The following MAPKAP1 variants were observed in gnomAD, a reference collection of about 807,000 sequenced individuals.
The protein encoded by MAPKAP1 is MAPK associated protein 1.
MAPKAP1 carries 20 observed loss-of-function variants against 65.7 expected under a neutral mutation model. That is an observed-to-expected ratio of 0.30 (90% CI 0.21 to 0.44). MAPKAP1 has a LOEUF of 0.44. Ranked by LOEUF, MAPKAP1 falls within the 20% of genes least tolerant of loss-of-function variation. MAPKAP1 has a pLI of 1.00. For missense variants in MAPKAP1, 423 were observed against 648.0 expected, an observed-to-expected ratio of 0.65 and a Z score of 3.77; for synonymous variants, 222 against 244.3, an observed-to-expected ratio of 0.91 and a Z score of 0.85.
chr9:125,519,652 T>TTTTATATATATATATATA (rs1554815771), intron 7 of MAPKAP1, among the ~76,000 whole-genome samples: 2 of 141,716 alleles, frequency 1.4e-5, no homozygotes, highest in Non-Finnish European at 1.5e-5. Context: ...TATATGTCTT[T>TTTTATATATATATATATA]TATATATATA....
intron 3 of MAPKAP1, among the ~76,000 whole-genome samples, chr9:125,663,749 T>C (rs964052466): frequency 6.6e-6 from 1 of 152,106 alleles, no homozygotes; most frequent in Non-Finnish European, 1.5e-5. Context: ...GGGGAAGTCA[T>C]GAGAGCCCTT....
intron 8 of MAPKAP1, among the ~76,000 whole-genome samples, chr9:125,500,779 C>G (rs1828953383): frequency 6.6e-6 from 1 of 152,100 alleles, no homozygotes; most frequent in African/African-American, 2.4e-5. Flanking sequence ...TACCAAGATT[C>G]TAATAAACAC....
chr9:125,572,644 G>C (rs1484773487), intron 5 of MAPKAP1, among the ~76,000 whole-genome samples: 2 of 152,198 alleles, frequency 1.3e-5, no homozygotes, highest in Non-Finnish European at 1.5e-5. Flanking sequence ...AGAAACAAGA[G>C]GGATGAGTAA....
intron 11 of MAPKAP1, 74 bp downstream of exon 11, chr9:125,444,427 C>A: frequency 8.5e-7 from 1 of 1,174,748 alleles, no homozygotes; most frequent in Non-Finnish European, 1.2e-6. Flanking sequence ...GGTGGGGCTG[C>A]GGCCATGCCG....
intron 3 of MAPKAP1, among the ~76,000 whole-genome samples, chr9:125,658,331 T>A (rs1337471898): frequency 1.3e-5 from 2 of 152,230 alleles, no homozygotes; most frequent in African/African-American, 2.4e-5. Context: ...AGAAAGGATA[T>A]TTATAATAAC....
rs1421530756 is a variant in MAPKAP1, at chr9:125,447,974, G to A, written c.1346-3376C>T. ...CCAGGGTCATGTGTGGCAGGCAGGT[G>A]GGAGGGAGAGGGACACAAAGGGCTG... On this transcript the variant is annotated intron_variant, in intron 10 of 11. Transcript: ENST00000265960. The surrounding 1 kb of genome is among the most constrained non-coding windows in gnomAD (Gnocchi z 4.5). 6.6e-6 allele frequency among the ~76,000 whole-genome samples: 1 copy of A among 152,216 alleles called. No individual in the cohort carries two copies. Among genetic ancestry groups the A allele is most frequent in the Non-Finnish European group, 1.5e-5 (1 of 68,042 alleles).
intron 1 of MAPKAP1, among the ~76,000 whole-genome samples, chr9:125,693,642 C>CACGTAT: frequency 7.3e-6 from 1 of 137,700 alleles, no homozygotes; most frequent in African/African-American, 3.4e-5. Context: ...TATACACACA[C>CACGTAT]ATATACACGT....
At chr9:125,619,760 G>A (rs1363083600) in intron 4 of MAPKAP1, among the ~76,000 whole-genome samples, 2 of 151,382 alleles carry the variant, frequency 1.3e-5, no homozygotes, top group Non-Finnish European at 2.9e-5. Context: ...TCAAAATCCA[G>A]AAGCTATAGA....
intron 1 of MAPKAP1, among the ~76,000 whole-genome samples, chr9:125,694,336 A>T (rs1485188461): frequency 6.6e-6 from 1 of 152,162 alleles, no homozygotes; most frequent in Non-Finnish European, 1.5e-5. Flanking sequence ...TCCAAAAAAA[A>T]AAAAGTTTTA....
At chr9:125,529,556 A>G (rs1401784955) in intron 7 of MAPKAP1, among the ~76,000 whole-genome samples, 1 of 152,206 alleles carries the variant, frequency 6.6e-6, no homozygotes, top group African/African-American at 2.4e-5. Context: ...GGAAAGCTTA[A>G]GTTTTGCTAT....
intron 1 of MAPKAP1, among the ~76,000 whole-genome samples, chr9:125,693,701 ATATATACACATATATACACG>A (rs1164519881): frequency 3.2e-4 from 25 of 79,048 alleles, no homozygotes; most frequent in South Asian, 6.3e-4. Context: ...ATATACACGT[ATATATACACATATATACACG>A]TATATACACA....
chr9:125,685,062 G>A (rs749913640), intron 1 of MAPKAP1, among the ~76,000 whole-genome samples: 1 of 152,060 alleles, frequency 6.6e-6, no homozygotes, highest in Non-Finnish European at 1.5e-5. Context: ...AAGGTGCTAA[G>A]TGTTTGTTGA....
chr9:125,565,141 C>T (rs911842938), intron 5 of MAPKAP1, among the ~76,000 whole-genome samples: 1 of 152,112 alleles, frequency 6.6e-6, no homozygotes, highest in Admixed American at 6.5e-5. Flanking sequence ...ACAACTTTCA[C>T]TTATTCATGT....
chr9:125,484,805 G>C (rs919707818), intron 8 of MAPKAP1, among the ~76,000 whole-genome samples: 3 of 152,096 alleles, frequency 2.0e-5, no homozygotes, highest in Non-Finnish European at 2.9e-5. Context: ...TCCTTGGCTG[G>C]GCAGCAGGGA....
At chr9:125,508,562 T>C (rs1237334129) in intron 7 of MAPKAP1, among the ~76,000 whole-genome samples, 1 of 152,216 alleles carries the variant, frequency 6.6e-6, no homozygotes, top group African/African-American at 2.4e-5. Context: ...TAATAATTCA[T>C]TTCCCAGGCT....
At chr9:125,449,905 C>CT (rs1852878740) in intron 10 of MAPKAP1, among the ~76,000 whole-genome samples, 1 of 152,020 alleles carries the variant, frequency 6.6e-6, no homozygotes, top group African/African-American at 2.4e-5. Flanking sequence ...AAAGAAGGGT[C>CT]TTTTTTTGAT....
intron 7 of MAPKAP1, among the ~76,000 whole-genome samples, chr9:125,527,375 A>G (rs1376335534): frequency 6.6e-6 from 1 of 151,998 alleles, no homozygotes; most frequent in Non-Finnish European, 1.5e-5. Flanking sequence ...CCTCATACAT[A>G]TAGTTTTAAG....
chr9:125,494,984 C>A (rs1443552103), intron 8 of MAPKAP1, among the ~76,000 whole-genome samples: 1 of 152,158 alleles, frequency 6.6e-6, no homozygotes, highest in Non-Finnish European at 1.5e-5. Flanking sequence ...GAATCCAATA[C>A]CCTTTACAGG....
chr9:125,585,492 AAGACACCTT>A, intron 5 of MAPKAP1, 54 bp downstream of exon 5: 1 of 1,567,506 alleles, frequency 6.4e-7, no homozygotes, highest in South Asian at 1.2e-5. Flanking sequence ...ACCAGCCTAG[AAGACACCTT>A]GGGTGGCCAA....
Sources: gnomAD v4.1 joint callset for allele counts (sites outside exome capture counted in the v4.1 genomes callset) on GRCh38, gnomAD v4.1.1 for gene constraint, Gnocchi (gnomAD v3.1) non-coding constraint, MANE v1.5 for transcripts, NCBI Gene and HGNC (gene_info 2026-07-23, HGNC 2026-07-21) for gene names.